Variants in CACNA2D1 observed in about 807,000 individuals in gnomAD.
The protein encoded by CACNA2D1 is calcium voltage-gated channel auxiliary subunit alpha2delta 1.
In CACNA2D1, 53 loss-of-function variants were observed where a neutral mutation model predicts 171.5. The observed-to-expected ratio is 0.31, with a 90% CI of 0.25 to 0.39. The LOEUF (loss-of-function observed/expected upper bound fraction) is 0.39. Ranked by LOEUF, CACNA2D1 falls within the 10% of genes least tolerant of loss-of-function variation. The pLI is 1.00. For missense variants in CACNA2D1, 903 were observed against 1,299.8 expected, an observed-to-expected ratio of 0.69 and a Z score of 4.69; for synonymous variants, 442 against 443.1, an observed-to-expected ratio of 1.00 and a Z score of 0.03.
rs1312078863 is a variant in CACNA2D1 at position 81,950,500 on chromosome 7, A to G, written c.3168T>C (p.Tyr1056=). ...VCFDNNVLED[Y]TDCGGVSGLN... is the part of the protein sequence containing the mutation. The stretch of plus-strand genomic sequence containing the variant: ...ATCCAGAAACACCACCACAGTCAGT[A>G]TAATCCTCCTGTTGTTAAAAAAAAA... Residue 1056 remains tyrosine (Y), a synonymous_variant, in exon 39 of 39, where the codon TAT becomes TAC. Transcript: ENST00000356860. 1 of 1,612,442 alleles carries G rather than the reference A, an allele frequency of 6.2e-7. No homozygotes were observed. Among genetic ancestry groups the G allele is most frequent in the Non-Finnish European group, 8.5e-7 (1 of 1,179,228 alleles).
chr7:82,089,533 G>A (rs1310519056), intron 6 of CACNA2D1, among the ~76,000 whole-genome samples: 2 of 152,212 alleles, frequency 1.3e-5, no homozygotes, highest in Middle Eastern at 3.4e-3. Context: ...ACTGATAATC[G>A]ATTCAGAAAG....
chr7:82,222,758 G>A (rs190403242), intron 3 of CACNA2D1, among the ~76,000 whole-genome samples: 198 of 151,760 alleles, frequency 1.3e-3, no homozygotes, highest in African/African-American at 4.6e-3. Flanking sequence ...TTTATCCCAA[G>A]CATGTAATAT....
At chr7:82,164,808 T>TA (rs1795270291) in intron 4 of CACNA2D1, among the ~76,000 whole-genome samples, 1 of 134,300 alleles carries the variant, frequency 7.4e-6, no homozygotes, top group Non-Finnish European at 1.6e-5. Flanking sequence ...TTGTAATGCT[T>TA]ATGTATTTTT....
intron 22 of CACNA2D1, among the ~76,000 whole-genome samples, chr7:81,984,102 G>A (rs1796713979): frequency 6.6e-6 from 1 of 152,000 alleles, no homozygotes; most frequent in Non-Finnish European, 1.5e-5. Context: ...CATTAATTTG[G>A]ATTACGAAAA....
chr7:82,068,772 T>G (rs1188774576), intron 7 of CACNA2D1, among the ~76,000 whole-genome samples: 1 of 151,900 alleles, frequency 6.6e-6, no homozygotes, highest in Non-Finnish European at 1.5e-5. Context: ...ATTTGAAAGT[T>G]ATGTTTCAAT....
intron 1 of CACNA2D1, among the ~76,000 whole-genome samples, chr7:82,418,339 T>C (rs1377299455): frequency 6.6e-6 from 1 of 152,050 alleles, no homozygotes; most frequent in Non-Finnish European, 1.5e-5. Context: ...GAGATTTGGG[T>C]GGGGACACAG....
Position 81,959,823 on chromosome 7 carries a change from A to G in CACNA2D1, c.2973T>C (p.Phe991=), listed in dbSNP as rs1040607096. Residue 991 remains phenylalanine, a synonymous_variant, in exon 37 of 39, where the codon TTT becomes TTC. Coordinates refer to ENST00000356860, the MANE Select transcript of CACNA2D1 (RefSeq NM_000722.4). ...VLDCGNCSRI[F]HGEKLMNTNL... ...TGGTGTTCATAAGCTTTTCTCCATGAAAGATTCTGCAAAATAAATATGGTA... is the reference window on the plus strand; with the variant it reads ...TGGTGTTCATAAGCTTTTCTCCATGGAAGATTCTGCAAAATAAATATGGTA... 7 of 1,611,834 alleles carry G rather than the reference A, an allele frequency of 4.3e-6. No individual in the cohort carries two copies. In the African/African-American group the frequency reaches 6.7e-5, roughly 15 times the overall value.
At chr7:81,976,053 A>AT (rs1170414533) in intron 24 of CACNA2D1, among the ~76,000 whole-genome samples, 2 of 151,530 alleles carry the variant, frequency 1.3e-5, no homozygotes, top group Non-Finnish European at 2.9e-5. Context: ...CAGGTCCTTT[A>AT]TTTTTTTGAG....
At chr7:82,141,972 TTCTC>T (rs1369078364) in intron 4 of CACNA2D1, among the ~76,000 whole-genome samples, 3 of 152,194 alleles carry the variant, frequency 2.0e-5, no homozygotes, top group Admixed American at 2.0e-4. Flanking sequence ...GTAATCTTGT[TTCTC>T]TATTATCCTT....
intron 3 of CACNA2D1, among the ~76,000 whole-genome samples, chr7:82,282,553 G>A (rs1407466410): frequency 6.6e-6 from 1 of 152,164 alleles, no homozygotes; most frequent in Non-Finnish European, 1.5e-5. Flanking sequence ...AGCAGAAGGA[G>A]GGCGTGTCTG....
At chr7:82,239,917 A>G (rs1804049206) in intron 3 of CACNA2D1, among the ~76,000 whole-genome samples, 1 of 152,158 alleles carries the variant, frequency 6.6e-6, no homozygotes, top group South Asian at 2.1e-4. Flanking sequence ...CATTTATGAG[A>G]TCTCAGCTTA....
intron 7 of CACNA2D1, among the ~76,000 whole-genome samples, chr7:82,077,905 A>C (rs1809199591): frequency 6.6e-6 from 1 of 152,134 alleles, no homozygotes; most frequent in Non-Finnish European, 1.5e-5. Flanking sequence ...ACTAAACTTT[A>C]AAAAGTATTC....
intron 37 of CACNA2D1, 97 bp downstream of exon 37, chr7:81,959,623 C>T: frequency 7.6e-7 from 1 of 1,317,084 alleles, no homozygotes. Flanking sequence ...TCAGAGCAGT[C>T]TAATAGTTTT....
intron 1 of CACNA2D1, among the ~76,000 whole-genome samples, chr7:82,377,068 A>T (rs952130439): frequency 6.6e-6 from 1 of 152,196 alleles, no homozygotes; most frequent in African/African-American, 2.4e-5. Context: ...GGCACAAAAA[A>T]TTACCTAATT....
At chr7:82,349,329 T>A (rs893575129) in intron 2 of CACNA2D1, among the ~76,000 whole-genome samples, 4 of 152,128 alleles carry the variant, frequency 2.6e-5, no homozygotes, top group African/African-American at 9.7e-5. Flanking sequence ...GCAGACTCAC[T>A]TAAGTGAGAC....
In CACNA2D1 at chr7:82,146,983, C is replaced by CAAA. The variant is rs764990586; in HGVS notation, c.355-10310_355-10308dup. Among the ~76,000 whole-genome samples, 172 of 25,522 alleles carry CAAA rather than the reference C, an allele frequency of 6.7e-3. 6 individuals carry two copies. Among genetic ancestry groups the CAAA allele is most frequent in the South Asian group, 9.9e-3 (4 of 406 alleles). The allele number at this position is 25,522 out of a possible 152,430, so 16.7% of individuals were successfully genotyped here. Reference sequence around the variant, plus strand: ...CTGGGTGATAGCAAGACTCCCATCTCAAAAAAAAAAAAAAAAAAAAAAAAA... The same window carrying CAAA: ...CTGGGTGATAGCAAGACTCCCATCTCAAAAAAAAAAAAAAAAAAAAAAAAAAAA... On this transcript the variant is annotated intron_variant, in intron 4 of 38. Transcript: ENST00000356860.
chr7:82,302,588 T>C (rs890551341), intron 3 of CACNA2D1, among the ~76,000 whole-genome samples: 15 of 152,138 alleles, frequency 9.9e-5, no homozygotes, highest in African/African-American at 3.6e-4. Flanking sequence ...TAATTTTGTA[T>C]TTTTAGTAGA....
rs535996770 is a variant in CACNA2D1 at position 82,020,572 on chromosome 7, T to C, written c.1144-6093A>G. ...TGATGATGAAGACAACAATGTCTTT[T>C]ATAGTCAAACTATTAGTATTAAATG... On this transcript the variant is annotated intron_variant, in intron 12 of 38. Coordinates refer to ENST00000356860, the MANE Select transcript of CACNA2D1 (RefSeq NM_000722.4). Among the ~76,000 whole-genome samples the C allele has an allele frequency of 1.4e-4, 22 of 152,212 alleles. 1 individual carries two copies. The South Asian group carries it at 4.6e-3, about 32-fold the overall frequency.
At chr7:82,225,256 T>C (rs1802232900) in intron 3 of CACNA2D1, among the ~76,000 whole-genome samples, 1 of 152,122 alleles carries the variant, frequency 6.6e-6, no homozygotes, top group Admixed American at 6.6e-5. Flanking sequence ...ATTGATAGAG[T>C]AGAAATTAAG....
Sources: allele counts gnomAD v4.1 joint callset (sites outside exome capture counted in the v4.1 genomes callset), GRCh38; gene constraint gnomAD v4.1.1; transcripts MANE v1.5; gene names NCBI Gene and HGNC (gene_info 2026-07-23, HGNC 2026-07-21).